Variants in NRG3 observed in about 807,000 individuals in gnomAD.
The protein encoded by NRG3 is pro-neuregulin-3, membrane-bound isoform.
A neutral mutation model predicts 66.9 loss-of-function variants in NRG3; 31 were observed. The ratio of observed to expected loss-of-function variants is 0.46; its 90% CI spans 0.35 to 0.63. The LOEUF is 0.63. NRG3 is among the 20% of genes least tolerant of loss of function. The pLI, the probability that NRG3 is intolerant of heterozygous loss-of-function variation, is 0.00. For missense variants in NRG3, 910 were observed against 878.9 expected (o/e 1.04, Z -0.45); for synonymous variants, 393 against 359.4 (o/e 1.09, Z -1.06).
Position 81,875,243 on chromosome 10 carries a change from C to G in NRG3, c.-98C>G, listed in dbSNP as rs1464875750. ...CGCTGCCTGCGCCCGAGCCCGCCGCCGCCGCCGGAGCCCGCGCCCGCGCCC... is the reference window on the plus strand; with the variant it reads ...CGCTGCCTGCGCCCGAGCCCGCCGCGGCCGCCGGAGCCCGCGCCCGCGCCC... On this transcript the variant is annotated 5_prime_UTR_variant, in exon 1 of 9. Transcript: ENST00000372141. This position sits in a 1 kb window ranked among gnomAD's most constrained non-coding sequence, Gnocchi z 5.3. 2 of 765,748 alleles carry G rather than the reference C, an allele frequency of 2.6e-6. No homozygotes were observed. The highest frequency in any genetic ancestry group is 3.2e-6 in the Non-Finnish European group (2 of 632,150). 47.4% of individuals were successfully genotyped at this position (765,748 alleles called of 1,614,324 possible). A position where few individuals can be genotyped will look rare whatever the true frequency, so the allele number is the denominator to read the frequency against.
chr10:82,200,276 C>T (rs2074721955), intron 1 of NRG3, among the ~76,000 whole-genome samples: 1 of 152,054 alleles, frequency 6.6e-6, no homozygotes, highest in Non-Finnish European at 1.5e-5. Flanking sequence ...AGCAGTGGTT[C>T]AGTAATACTT....
At chr10:82,489,041 T>G (rs2132227605) in intron 2 of NRG3, among the ~76,000 whole-genome samples, 1 of 152,166 alleles carries the variant, frequency 6.6e-6, no homozygotes, top group East Asian at 1.9e-4. Flanking sequence ...TAGGAGCTTT[T>G]GTTTAATTAG....
Position 82,434,957 on chromosome 10 carries a change from A to G in NRG3, c.953+76089A>G, listed in dbSNP as rs1030667912. Among the ~76,000 whole-genome samples the G allele has an allele frequency of 4.6e-5, 7 of 152,298 alleles. No individual in the cohort carries two copies. In the East Asian group the frequency reaches 1.4e-3, roughly 29 times the overall value. ...TTGGTATCAGGATGATGCTGGCTTC[A>G]TAAAATGAGTTAGGGAGGAGTCTCT... On this transcript the variant is annotated intron_variant, in intron 2 of 8. Coordinates refer to ENST00000372141, the MANE Select transcript of NRG3 (RefSeq NM_001010848.4).
chr10:81,962,200 A>C (rs1215057566), intron 1 of NRG3, among the ~76,000 whole-genome samples: 1 of 152,222 alleles, frequency 6.6e-6, no homozygotes, highest in Admixed American at 6.5e-5. Flanking sequence ...GCCATGTTAA[A>C]GAAATCTCAG....
intron 2 of NRG3, among the ~76,000 whole-genome samples, chr10:82,461,257 C>T (rs1328162900): frequency 6.6e-6 from 1 of 152,034 alleles, no homozygotes; most frequent in Non-Finnish European, 1.5e-5. Flanking sequence ...CTGCCACCAC[C>T]ACCATCGACA....
intron 1 of NRG3, among the ~76,000 whole-genome samples, chr10:82,310,036 T>C: frequency 6.6e-6 from 1 of 152,164 alleles, no homozygotes; most frequent in Non-Finnish European, 1.5e-5. Flanking sequence ...TTTTCCATCC[T>C]CCATTATGTC....
intron 2 of NRG3, among the ~76,000 whole-genome samples, chr10:82,590,831 G>A (rs672529): frequency 0.084 from 12,834 of 152,202 alleles, 628 homozygotes; most frequent in East Asian, 0.15. Context: ...GGTGTTGGGT[G>A]CAAAGGAAGT....
At chr10:82,823,577 G>T (rs543597057) in intron 3 of NRG3, among the ~76,000 whole-genome samples, 1 of 152,226 alleles carries the variant, frequency 6.6e-6, no homozygotes, top group Non-Finnish European at 1.5e-5. Flanking sequence ...CTAAGGCACT[G>T]ATTCTCCCAG....
chr10:82,086,408 AT>A (rs200053360), intron 1 of NRG3, among the ~76,000 whole-genome samples: 50 of 148,866 alleles, frequency 3.4e-4, no homozygotes, highest in South Asian at 2.7e-3. Flanking sequence ...TTGCAGTTCA[AT>A]TTTTTTTTTT....
intron 2 of NRG3, among the ~76,000 whole-genome samples, chr10:82,494,127 T>C (rs1843406811): frequency 1.3e-5 from 2 of 152,182 alleles, no homozygotes. Context: ...AGGAATGCTT[T>C]TACACTATTG....
At chr10:81,918,865 T>A (rs891970629) in intron 1 of NRG3, among the ~76,000 whole-genome samples, 1 of 150,514 alleles carries the variant, frequency 6.6e-6, no homozygotes, top group Non-Finnish European at 1.5e-5. Context: ...TTGAATAGAA[T>A]CATTGCAATT....
intron 4 of NRG3, among the ~76,000 whole-genome samples, chr10:82,893,691 A>G (rs1012022089): frequency 3.3e-5 from 5 of 152,216 alleles, no homozygotes; most frequent in Non-Finnish European, 5.9e-5. Flanking sequence ...TGTCAAAAAA[A>G]AAAGAATAAA....
chr10:82,648,339 G>C (rs926078049), intron 2 of NRG3, among the ~76,000 whole-genome samples: 6 of 151,708 alleles, frequency 4.0e-5, no homozygotes, highest in African/African-American at 1.4e-4. Flanking sequence ...ATTTCTGAGG[G>C]CTCTGTTCTG....
intron 2 of NRG3, among the ~76,000 whole-genome samples, chr10:82,422,119 A>G (rs753513413): frequency 6.6e-6 from 1 of 152,100 alleles, no homozygotes; most frequent in Admixed American, 6.6e-5. Context: ...GCAGATTTCA[A>G]TACACTTGTT....
At chr10:82,876,756 G>T (rs1356687613) in intron 4 of NRG3, among the ~76,000 whole-genome samples, 1 of 152,142 alleles carries the variant, frequency 6.6e-6, no homozygotes, top group Non-Finnish European at 1.5e-5. Context: ...AGGCATGGTG[G>T]CTCACGCCTG....
At chr10:82,081,428 A>C (rs768856716) in intron 1 of NRG3, among the ~76,000 whole-genome samples, 1 of 152,188 alleles carries the variant, frequency 6.6e-6, no homozygotes, top group Non-Finnish European at 1.5e-5. Context: ...AAAAATGCAG[A>C]AATATCATAG....
At chr10:81,973,514 C>T (rs2133386801) in intron 1 of NRG3, among the ~76,000 whole-genome samples, 1 of 152,282 alleles carries the variant, frequency 6.6e-6, no homozygotes, top group East Asian at 1.9e-4. Context: ...AACTAATTTA[C>T]ACTCCTACCA....
chr10:82,193,213 G>T (rs1047324040), intron 1 of NRG3, among the ~76,000 whole-genome samples: 4 of 152,126 alleles, frequency 2.6e-5, no homozygotes, highest in Non-Finnish European at 5.9e-5. Context: ...CATGATCTTG[G>T]CTCACTGCAA....
chr10:81,968,028 A>G (rs1450722618), intron 1 of NRG3, among the ~76,000 whole-genome samples: 1 of 152,244 alleles, frequency 6.6e-6, no homozygotes, highest in African/African-American at 2.4e-5. Context: ...TTGCCTGGCA[A>G]CATCAACCTT....
Sources: gnomAD v4.1 joint callset for allele counts (sites outside exome capture counted in the v4.1 genomes callset) on GRCh38, gnomAD v4.1.1 for gene constraint, Gnocchi (gnomAD v3.1) non-coding constraint, MANE v1.5 for transcripts, NCBI Gene and HGNC (gene_info 2026-07-23, HGNC 2026-07-21) for gene names.